The following SORCS2 variants were observed in gnomAD, a reference collection of about 807,000 sequenced individuals.
SORCS2 encodes sortilin related VPS10 domain containing receptor 2.
SORCS2 carries 100 observed loss-of-function variants against 141.6 expected under a neutral mutation model. The ratio of observed to expected loss-of-function variants is 0.71; its 90% confidence interval spans 0.60 to 0.83. The LOEUF (loss-of-function observed/expected upper bound fraction) is 0.83, where lower values mean the gene tolerates loss of function less well. SORCS2 is among the 40% of genes least tolerant of loss of function. The pLI, the probability that SORCS2 is intolerant of heterozygous loss-of-function variation, is 0.00. For missense variants in SORCS2, 1,646 were observed against 1,560.2 expected (o/e 1.05, Z -0.93); for synonymous variants, 789 against 676.9 (o/e 1.17, Z -2.57).
At chr4:7,453,402 C>G in intron 2 of SORCS2, among the ~76,000 whole-genome samples, 1 of 125,024 alleles carries the variant, frequency 8.0e-6, no homozygotes, top group South Asian at 2.9e-4. Context: ...GGGTCAGGAG[C>G]TGTGTGTTGG....
At chr4:7,504,400 C>T (rs183334078) in intron 2 of SORCS2, among the ~76,000 whole-genome samples, 120 of 152,346 alleles carry the variant, frequency 7.9e-4, no homozygotes, top group Non-Finnish European at 1.4e-3. Flanking sequence ...TGGAGAGACA[C>T]GAAGTCCCTG....
At chr4:7,376,592 A>C (rs915858375) in intron 1 of SORCS2, among the ~76,000 whole-genome samples, 4 of 152,148 alleles carry the variant, frequency 2.6e-5, no homozygotes, top group Non-Finnish European at 1.5e-5. Context: ...AAAAATAAAA[A>C]CAAACAAAAC....
chr4:7,528,372 A>G (rs1733828858), intron 2 of SORCS2, among the ~76,000 whole-genome samples: 1 of 148,824 alleles, frequency 6.7e-6, no homozygotes, highest in Non-Finnish European at 1.5e-5. Context: ...CTGCAGGGTG[A>G]GGGGCTTCCT....
At chr4:7,623,190 G>C (rs1191329227) in intron 3 of SORCS2, among the ~76,000 whole-genome samples, 2 of 152,092 alleles carry the variant, frequency 1.3e-5, no homozygotes, top group Non-Finnish European at 1.5e-5. Context: ...TTTACAATCA[G>C]TGACACTCAG....
chr4:7,517,290 G>C (rs151244383), intron 2 of SORCS2, among the ~76,000 whole-genome samples: 1 of 152,100 alleles, frequency 6.6e-6, no homozygotes, highest in Non-Finnish European at 1.5e-5. Flanking sequence ...ACAATCGCAC[G>C]ACTCGAAGCA....
At chr4:7,522,613 C>G (rs1311546612) in intron 2 of SORCS2, among the ~76,000 whole-genome samples, 11 of 152,040 alleles carry the variant, frequency 7.2e-5, no homozygotes. Context: ...CTGCCTCTTC[C>G]CCTTCCCCTT....
chr4:7,505,514 G>A (rs1039782378), intron 2 of SORCS2, among the ~76,000 whole-genome samples: 1 of 152,312 alleles, frequency 6.6e-6, no homozygotes, highest in African/African-American at 2.4e-5. Flanking sequence ...GGGTCCCCCA[G>A]TGAGTCTGGG....
intron 2 of SORCS2, among the ~76,000 whole-genome samples, chr4:7,419,015 T>G (rs904988602): frequency 7.2e-5 from 11 of 152,232 alleles, no homozygotes; most frequent in Admixed American, 2.0e-4. Context: ...TCTCAAGGCA[T>G]GGACTTGGAA....
At chr4:7,736,781 C>T (rs895157731) in intron 25 of SORCS2, among the ~76,000 whole-genome samples, 7 of 152,164 alleles carry the variant, frequency 4.6e-5, no homozygotes, top group Non-Finnish European at 1.0e-4. Flanking sequence ...CACATGCCCA[C>T]GCTTCGATTC....
At chr4:7,381,820 G>A in intron 1 of SORCS2, 1 of 788,794 alleles carries the variant, frequency 1.3e-6, no homozygotes, top group Non-Finnish European at 1.5e-6. Flanking sequence ...AGGCCACCAT[G>A]TGCCAGGAGC....
chr4:7,538,967 C>G (rs956271070), intron 3 of SORCS2, among the ~76,000 whole-genome samples: 1 of 152,200 alleles, frequency 6.6e-6, no homozygotes, highest in African/African-American at 2.4e-5. Context: ...GAAAGTTCAG[C>G]CCTGTTCTCT....
intron 1 of SORCS2, among the ~76,000 whole-genome samples, chr4:7,365,115 T>C (rs182319283): frequency 7.2e-5 from 11 of 152,316 alleles, no homozygotes; most frequent in African/African-American, 2.6e-4. Context: ...TGATTTGTAT[T>C]GTTAGAGAGC....
At chr4:7,199,183 G>T (rs1054091762) in intron 1 of SORCS2, among the ~76,000 whole-genome samples, 1 of 152,218 alleles carries the variant, frequency 6.6e-6, no homozygotes, top group South Asian at 2.1e-4. Flanking sequence ...GCCCTGGGGT[G>T]CAGAGGAAGG....
chr4:7,493,367 T>C (rs1378704668), intron 2 of SORCS2, among the ~76,000 whole-genome samples: 2 of 152,246 alleles, frequency 1.3e-5, no homozygotes, highest in Non-Finnish European at 2.9e-5. Flanking sequence ...TTCCCTCTGA[T>C]TCTTCAGAAA....
chr4:7,725,133 G>C (rs1048218499), intron 19 of SORCS2, 21 bp from the exon 20 acceptor site: 2 of 1,610,290 alleles, frequency 1.2e-6, no homozygotes, highest in Non-Finnish European at 1.7e-6. Flanking sequence ...ATCTAACCCT[G>C]GCCTTTTTGG....
At chr4:7,715,388 T>C in intron 17 of SORCS2, 77 bp downstream of exon 17, 2 of 1,573,812 alleles carry the variant, frequency 1.3e-6, no homozygotes, top group Admixed American at 3.5e-5. Flanking sequence ...CACGCCTTCC[T>C]GGCTGGTGCC....
chr4:7,424,678 C>T (rs2109201171), intron 2 of SORCS2, among the ~76,000 whole-genome samples: 1 of 152,310 alleles, frequency 6.6e-6, no homozygotes, highest in East Asian at 1.9e-4. Context: ...CTCCCCAGCC[C>T]AGAGTCCCTG....
At chr4:7,530,515 T>G (rs1412787716) in intron 2 of SORCS2, among the ~76,000 whole-genome samples, 2 of 152,184 alleles carry the variant, frequency 1.3e-5, no homozygotes, top group South Asian at 2.1e-4. Context: ...TCTCCCCACC[T>G]TGGGTCTGTG....
intron 10 of SORCS2, among the ~76,000 whole-genome samples, chr4:7,686,154 C>T (rs1439111289): frequency 6.6e-6 from 1 of 152,184 alleles, no homozygotes; most frequent in Non-Finnish European, 1.5e-5. Context: ...TACCTCCTTC[C>T]CTCAATGGGG....
Sources: allele counts gnomAD v4.1 joint callset (sites outside exome capture counted in the v4.1 genomes callset), GRCh38; gene constraint gnomAD v4.1.1; transcripts MANE v1.5; gene names NCBI Gene and HGNC (gene_info 2026-07-23, HGNC 2026-07-21).